SCFD2: variants seen among roughly 807,000 people sequenced by gnomAD.
SCFD2 encodes sec1 family domain-containing protein 2.
Under a neutral mutation model 58.9 loss-of-function variants are expected in SCFD2, and 54 were observed. The observed-to-expected ratio is 0.92, with a 90% CI of 0.74 to 1.15. SCFD2 has a LOEUF of 1.15. Ranked by LOEUF, SCFD2 falls within the 50% of genes most tolerant of loss-of-function variation. SCFD2 has a pLI of 0.00. For synonymous variants in SCFD2, 321 were observed against 335.9 expected (o/e 0.96, Z 0.49); for missense variants, 805 against 836.6 (o/e 0.96, Z 0.47).
intron 2 of SCFD2, among the ~76,000 whole-genome samples, chr4:53,338,575 C>CTATTTTTTTTTTTTTTTTTTT (rs1733752203): frequency 4.1e-5 from 3 of 72,296 alleles, no homozygotes; most frequent in African/African-American, 5.1e-5. Context: ...GTATATTTTT[C>CTATTTTTTTTTTTTTTTTTTT]TTTTTTTTTT....
intron 5 of SCFD2, among the ~76,000 whole-genome samples, chr4:53,052,877 C>CCAGA (rs1224073457): frequency 3.3e-5 from 5 of 152,196 alleles, no homozygotes; most frequent in African/African-American, 1.2e-4. Flanking sequence ...ATGAAAGAAG[C>CCAGA]CAGACACAAA....
At chr4:53,167,845 G>T (rs1202530095) in intron 4 of SCFD2, among the ~76,000 whole-genome samples, 1 of 152,020 alleles carries the variant, frequency 6.6e-6, no homozygotes, top group African/African-American at 2.4e-5. Flanking sequence ...AATTTTCAAG[G>T]TTAATTATGC....
At chr4:53,224,115 G>A (rs1469873708) in intron 4 of SCFD2, among the ~76,000 whole-genome samples, 1 of 152,108 alleles carries the variant, frequency 6.6e-6, no homozygotes, top group Admixed American at 6.5e-5. Flanking sequence ...ATTTGGCTGG[G>A]CGCAGTGATT....
chr4:53,007,335 G>GGA (rs1204340553), intron 5 of SCFD2, among the ~76,000 whole-genome samples: 248 of 39,252 alleles, frequency 6.3e-3, no homozygotes, highest in African/African-American at 0.025. Context: ...AGAGAGAGAG[G>GGA]GAGAGAGAGA....
At chr4:53,228,846 T>C (rs993893491) in intron 4 of SCFD2, among the ~76,000 whole-genome samples, 3 of 152,226 alleles carry the variant, frequency 2.0e-5, no homozygotes, top group Non-Finnish European at 2.9e-5. Context: ...TGTTTGCAGA[T>C]GACATGATTG....
intron 5 of SCFD2, among the ~76,000 whole-genome samples, chr4:53,076,875 G>C (rs929632117): frequency 2.0e-5 from 3 of 152,116 alleles, no homozygotes; most frequent in African/African-American, 7.2e-5. Context: ...GTAGAACTTG[G>C]AGAAAATATG....
At chr4:53,266,786 G>A (rs1730996364) in intron 4 of SCFD2, among the ~76,000 whole-genome samples, 2 of 152,276 alleles carry the variant, frequency 1.3e-5, no homozygotes, top group South Asian at 4.1e-4. Flanking sequence ...AGTGATATTG[G>A]ACCTTGGAGA....
At chr4:53,156,347 T>C (rs11133246) in intron 4 of SCFD2, among the ~76,000 whole-genome samples, 11,472 of 136,106 alleles carry the variant, frequency 0.084, 654 homozygotes, top group East Asian at 0.25. Flanking sequence ...TGCAGTGAGC[T>C]GAAGATCATG....
chr4:52,911,855 T>G (rs1202978091), intron 6 of SCFD2, among the ~76,000 whole-genome samples: 1 of 152,234 alleles, frequency 6.6e-6, no homozygotes, highest in African/African-American at 2.4e-5. Flanking sequence ...CTTTGCCAGC[T>G]AGGTCTGTTA....
At chr4:53,261,149 A>G (rs368979530) in intron 4 of SCFD2, among the ~76,000 whole-genome samples, 2 of 151,958 alleles carry the variant, frequency 1.3e-5, no homozygotes, top group African/African-American at 4.8e-5. Context: ...TATTCTATCA[A>G]TTTTATCTTT....
intron 5 of SCFD2, among the ~76,000 whole-genome samples, chr4:53,019,419 TAC>T (rs888124138): frequency 3.9e-5 from 6 of 152,204 alleles, no homozygotes; most frequent in Non-Finnish European, 7.4e-5. Context: ...TCAAAATATT[TAC>T]AGTGACTAGA....
intron 4 of SCFD2, among the ~76,000 whole-genome samples, chr4:53,147,011 A>T (rs1726352118): frequency 6.6e-6 from 1 of 152,202 alleles, no homozygotes; most frequent in Non-Finnish European, 1.5e-5. Context: ...TAAGTGCTAT[A>T]AACAAAAATA....
chr4:53,157,972 T>C (rs1313869570), intron 4 of SCFD2, among the ~76,000 whole-genome samples: 1 of 152,148 alleles, frequency 6.6e-6, no homozygotes, highest in East Asian at 1.9e-4. Context: ...TTAAATTTGT[T>C]AGGTCTGGGA....
At chr4:53,164,264 A>G (rs1726937645) in intron 4 of SCFD2, among the ~76,000 whole-genome samples, 1 of 152,162 alleles carries the variant, frequency 6.6e-6, no homozygotes, top group Non-Finnish European at 1.5e-5. Context: ...ACTGCCCCCA[A>G]CTGCTGAGTC....
At chr4:53,317,494 T>C (rs1732901000) in intron 2 of SCFD2, among the ~76,000 whole-genome samples, 1 of 152,214 alleles carries the variant, frequency 6.6e-6, no homozygotes, top group African/African-American at 2.4e-5. Flanking sequence ...AATTTTCACA[T>C]GAAATCAACT....
intron 7 of SCFD2, among the ~76,000 whole-genome samples, chr4:52,905,098 C>T (rs746414471): frequency 1.3e-5 from 2 of 152,332 alleles, no homozygotes; most frequent in East Asian, 1.9e-4. Context: ...GAAAACAACA[C>T]GAAGAAGGCT....
At chr4:53,254,507 T>C (rs923641981) in intron 4 of SCFD2, among the ~76,000 whole-genome samples, 27 of 151,952 alleles carry the variant, frequency 1.8e-4, no homozygotes, top group African/African-American at 6.5e-4. Context: ...TGTTTTATTT[T>C]ATTTCATTTT....
chr4:53,244,929 C>A (rs1730019815), intron 4 of SCFD2, among the ~76,000 whole-genome samples: 1 of 146,948 alleles, frequency 6.8e-6, no homozygotes, highest in African/African-American at 2.4e-5. Context: ...GGGGATATTA[C>A]CACTCACCCC....
intron 2 of SCFD2, among the ~76,000 whole-genome samples, chr4:53,330,202 C>T (rs1393627927): frequency 3.9e-5 from 6 of 152,194 alleles, no homozygotes; most frequent in Non-Finnish European, 5.9e-5. Context: ...CTTCCCCAAT[C>T]TCGCAAGGCA....
Sources: gnomAD v4.1 joint callset for allele counts (sites outside exome capture counted in the v4.1 genomes callset) on GRCh38, gnomAD v4.1.1 for gene constraint, MANE v1.5 for transcripts, NCBI Gene and HGNC (gene_info 2026-07-23, HGNC 2026-07-21) for gene names.